KCNH1: variants seen among roughly 807,000 people sequenced by gnomAD.
KCNH1 encodes voltage-gated delayed rectifier potassium channel KCNH1.
A neutral mutation model predicts 69.2 loss-of-function variants in KCNH1; 27 were observed. The observed-to-expected ratio is 0.39, with a 90% CI of 0.29 to 0.54. The LOEUF is 0.54. Ranked by LOEUF, KCNH1 falls within the 20% of genes least tolerant of loss-of-function variation. The pLI is 0.68. For synonymous variants in KCNH1, 456 were observed against 487.7 expected (o/e 0.93, Z 0.86); for missense variants, 798 against 1,261.6 (o/e 0.63, Z 5.57).
chr1:211,123,394 G>GA (rs890974609), intron 1 of KCNH1, among the ~76,000 whole-genome samples: 1 of 152,192 alleles, frequency 6.6e-6, no homozygotes, highest in African/African-American at 2.4e-5. Flanking sequence ...TCTTGAGAGA[G>GA]AAACAGGGAG....
chr1:210,850,926 C>A (rs564352883), intron 7 of KCNH1, among the ~76,000 whole-genome samples: 4 of 152,330 alleles, frequency 2.6e-5, no homozygotes, highest in African/African-American at 9.6e-5. Flanking sequence ...CAGTATCTCT[C>A]ATTTCATGCA....
chr1:210,966,403 G>C (rs552923918), intron 6 of KCNH1, among the ~76,000 whole-genome samples: 3 of 152,176 alleles, frequency 2.0e-5, no homozygotes, highest in Non-Finnish European at 4.4e-5. Flanking sequence ...TTAGACTAAA[G>C]AGCTTCTGCA....
At chr1:210,852,454 C>T (rs1685725894) in intron 7 of KCNH1, among the ~76,000 whole-genome samples, 1 of 152,132 alleles carries the variant, frequency 6.6e-6, no homozygotes, top group Non-Finnish European at 1.5e-5. Flanking sequence ...TTTTCTTTGA[C>T]CAGGAGAGTA....
chr1:211,125,041 G>C (rs1691752839), intron 1 of KCNH1, among the ~76,000 whole-genome samples: 2 of 152,204 alleles, frequency 1.3e-5, no homozygotes, highest in African/African-American at 2.4e-5. Context: ...ACAGCTGGAA[G>C]CTTTAAGTCT....
intron 7 of KCNH1, among the ~76,000 whole-genome samples, chr1:210,854,114 C>A (rs1480962436): frequency 1.3e-5 from 2 of 152,026 alleles, no homozygotes; most frequent in Non-Finnish European, 2.9e-5. Context: ...AGGAAAAATT[C>A]AGCAAATGAT....
chr1:210,687,525 G>A (rs1347390496), intron 10 of KCNH1, among the ~76,000 whole-genome samples: 1 of 152,138 alleles, frequency 6.6e-6, no homozygotes, highest in East Asian at 1.9e-4. Context: ...GGACAGGTGA[G>A]CCAGGGACGA....
In KCNH1 at chr1:210,882,546, C is replaced by T. The variant is rs558631419; in HGVS notation, c.1462+37094G>A. ...AGACGGAGGCTTGCAGATGCCAGAA[C>T]AGGCTCACATGACAAACCCACCTCC... On this transcript the variant is annotated intron_variant, in intron 7 of 10. Transcript: ENST00000271751. 3.3e-5 allele frequency among the ~76,000 whole-genome samples: 5 copies of T among 152,266 alleles called. No homozygotes were observed. In the East Asian group the frequency reaches 9.7e-4, roughly 29 times the overall value.
At chr1:210,761,448 C>T (rs187377358) in intron 10 of KCNH1, among the ~76,000 whole-genome samples, 1 of 151,816 alleles carries the variant, frequency 6.6e-6, no homozygotes, top group African/African-American at 2.4e-5. Context: ...CAGAGAGTGG[C>T]AAATTGGATT....
chr1:211,048,910 G>T (rs1690141775), intron 5 of KCNH1, among the ~76,000 whole-genome samples: 1 of 152,160 alleles, frequency 6.6e-6, no homozygotes, highest in African/African-American at 2.4e-5. Flanking sequence ...TGAGAATCAG[G>T]AAGTTTCAAG....
chr1:210,792,348 C>T lies in KCNH1; in HGVS notation c.1915+5160G>A, dbSNP rs139121199. On this transcript the variant is annotated intron_variant, in intron 9 of 10. Transcript: ENST00000271751. ...TCCTTATCCCCACAAGATAGTCTTA[C>T]TCCGGACTGTGAGGCTCTTCAAAGC... 1.5e-4 allele frequency among the ~76,000 whole-genome samples: 23 copies of T among 152,336 alleles called. No homozygotes were observed. In the East Asian group the frequency reaches 4.4e-3, roughly 29 times the overall value.
intron 10 of KCNH1, among the ~76,000 whole-genome samples, chr1:210,749,589 T>C (rs981028363): frequency 1.3e-5 from 2 of 152,154 alleles, no homozygotes; most frequent in Middle Eastern, 3.2e-3. Flanking sequence ...TGGAACCTGA[T>C]TTTTAACAAG....
At chr1:211,094,521 G>A (rs1178743187) in intron 3 of KCNH1, among the ~76,000 whole-genome samples, 2 of 152,186 alleles carry the variant, frequency 1.3e-5, no homozygotes, top group East Asian at 3.8e-4. Context: ...TCTTTAAATA[G>A]ATCATAATAC....
chr1:210,966,452 A>G (rs1159609924), intron 6 of KCNH1, among the ~76,000 whole-genome samples: 1 of 152,242 alleles, frequency 6.6e-6, no homozygotes, highest in Non-Finnish European at 1.5e-5. Context: ...GAGGCAACCT[A>G]CAGAATGGGA....
intron 6 of KCNH1, among the ~76,000 whole-genome samples, chr1:210,989,094 A>T (rs1174800369): frequency 6.6e-6 from 1 of 152,214 alleles, no homozygotes; most frequent in Non-Finnish European, 1.5e-5. Context: ...TCAAACAGTG[A>T]CATCTTCATA....
At chr1:210,832,904 A>T (rs1685191025) in intron 7 of KCNH1, among the ~76,000 whole-genome samples, 1 of 84,822 alleles carries the variant, frequency 1.2e-5, no homozygotes, top group South Asian at 3.8e-4. Context: ...CATTTCTCAA[A>T]TACATATATA....
chr1:210,922,625 C>T (rs1687487329), intron 6 of KCNH1, among the ~76,000 whole-genome samples: 1 of 152,064 alleles, frequency 6.6e-6, no homozygotes. Context: ...CTCTTTTTCC[C>T]TACCTGTGTT....
intron 6 of KCNH1, among the ~76,000 whole-genome samples, chr1:210,971,568 C>T (rs1260433290): frequency 1.3e-5 from 2 of 152,146 alleles, no homozygotes; most frequent in African/African-American, 2.4e-5. Context: ...ATTATTCTAT[C>T]TATGTATCTG....
At chr1:210,745,901 G>A (rs553522538) in intron 10 of KCNH1, among the ~76,000 whole-genome samples, 3 of 152,006 alleles carry the variant, frequency 2.0e-5, no homozygotes, top group Non-Finnish European at 2.9e-5. Flanking sequence ...GAGTAACAGG[G>A]AGAAAGGTCA....
chr1:211,038,224 G>A (rs1438751965), intron 5 of KCNH1, among the ~76,000 whole-genome samples: 1 of 152,084 alleles, frequency 6.6e-6, no homozygotes, highest in Non-Finnish European at 1.5e-5. Context: ...GCCTCCCAAA[G>A]TGCTGGGATT....
Sources: gnomAD v4.1 joint callset for allele counts (sites outside exome capture counted in the v4.1 genomes callset) on GRCh38, gnomAD v4.1.1 for gene constraint, MANE v1.5 for transcripts, NCBI Gene and HGNC (gene_info 2026-07-23, HGNC 2026-07-21) for gene names.